The following NR5A2 variants were observed in gnomAD, a reference collection of about 807,000 sequenced individuals.
NR5A2 encodes the protein CYP7A promoter-binding factor.
NR5A2 carries 26 observed loss-of-function variants against 62.7 expected under a neutral mutation model. The observed-to-expected ratio is 0.41, with a 90% CI of 0.30 to 0.58. NR5A2 has a LOEUF of 0.58. Among genes scored for constraint, NR5A2 ranks in the 20% least tolerant of loss-of-function variants. The pLI, the probability that NR5A2 is intolerant of heterozygous loss-of-function variation, is 0.22. For missense variants in NR5A2, 541 were observed against 669.1 expected (o/e 0.81, Z 2.11); for synonymous variants, 246 against 241.7 (o/e 1.02, Z -0.16).
Position 200,061,555 on chromosome 1 carries a change from G to A in NR5A2, c.1110+12737G>A, listed in dbSNP as rs181927696. 5.1e-3 allele frequency among the ~76,000 whole-genome samples: 778 copies of A among 152,276 alleles called. 5 individuals carry two copies. Among genetic ancestry groups the A allele is most frequent in the African/African-American group, 0.018 (744 of 41,544 alleles). On this transcript the variant is annotated intron_variant, in intron 5 of 7. Coordinates refer to ENST00000367362, the MANE Select transcript of NR5A2 (RefSeq NM_205860.3). Reference sequence around the variant, plus strand: ...CGCCTCCCAAAGTGCTGGGATTACAGGCGTGAGCCACTGCGCCCGACCCGG... The same window carrying A: ...CGCCTCCCAAAGTGCTGGGATTACAAGCGTGAGCCACTGCGCCCGACCCGG...
intron 5 of NR5A2, among the ~76,000 whole-genome samples, chr1:200,073,250 A>G (rs1558121716): frequency 8.4e-6 from 1 of 118,848 alleles, no homozygotes; most frequent in African/African-American, 3.5e-5. Flanking sequence ...ATATATATAT[A>G]TATATATATA....
At chr1:200,094,325 C>T (rs1664966012) in intron 5 of NR5A2, among the ~76,000 whole-genome samples, 1 of 151,168 alleles carries the variant, frequency 6.6e-6, no homozygotes, top group African/African-American at 2.4e-5. Flanking sequence ...GCTGGGGTTA[C>T]AGGCGCGGGC....
chr1:200,169,645 T>C (rs953278366), intron 7 of NR5A2, among the ~76,000 whole-genome samples: 2 of 152,186 alleles, frequency 1.3e-5, no homozygotes, highest in Admixed American at 6.6e-5. Flanking sequence ...ATATAAAAAG[T>C]TGGTAATTAG....
intron 3 of NR5A2, chr1:200,044,351 T>C (rs1041836029): frequency 1.3e-5 from 2 of 152,222 alleles, no homozygotes; most frequent in African/African-American, 4.8e-5. Context: ...TGTGATTTCA[T>C]CTTGATTTAT....
At chr1:200,060,010 TC>T (rs1663123457) in intron 5 of NR5A2, among the ~76,000 whole-genome samples, 1 of 152,014 alleles carries the variant, frequency 6.6e-6, no homozygotes, top group Non-Finnish European at 1.5e-5. Context: ...AAAACTTAAC[TC>T]CCCTCTACAC....
rs1034587140 is a variant in NR5A2 at position 200,039,391 on chromosome 1, C to G, written c.65-267C>G. Among the ~76,000 whole-genome samples the G allele has an allele frequency of 6.6e-6, 1 of 152,014 alleles. No homozygotes were observed. Among genetic ancestry groups the G allele is most frequent in the African/African-American group, 2.4e-5 (1 of 41,428 alleles). ...TCCGCGCCCCGGGCAGCTGCGTCCT[C>G]GCCACCGCCGCCGCCTGCGCCCTTG... On this transcript the variant is annotated intron_variant, in intron 1 of 7. Coordinates refer to ENST00000367362, the MANE Select transcript of NR5A2 (RefSeq NM_205860.3). This position sits in a 1 kb window ranked among gnomAD's most constrained non-coding sequence, Gnocchi z 5.1.
chr1:200,043,838 T>C lies in NR5A2; in HGVS notation c.267T>C (p.Cys89=). The C allele has an allele frequency of 6.2e-7, 1 of 1,613,942 alleles. No homozygotes were observed. Among genetic ancestry groups the C allele is most frequent in the South Asian group, 1.1e-5 (1 of 91,048 alleles). ...DEDLEELCPV[C]GDKVSGYHYG... ...ATCTGGAAGAGCTTTGTCCCGTGTG[T>C]GGAGATAAAGTGTCTGGGTACCATT... Residue 89 remains cysteine (C), a synonymous_variant, in exon 3 of 8, where the codon TGT becomes TGC. Transcript: ENST00000367362.
At position 200,048,464 on chromosome 1, in the gene NR5A2, C is replaced by A. The variant is rs370987975; in HGVS notation, c.756C>A (p.His252Gln). 3 of 1,614,198 alleles carry A rather than the reference C, an allele frequency of 1.9e-6. No homozygotes were observed. In the Admixed American group the frequency reaches 5.0e-5, roughly 27 times the overall value. Residue 252 changes from histidine to glutamine, a missense_variant, in exon 5 of 8, where the codon CAC (histidine) becomes CAA (glutamine). His to Gln is a conservative substitution (Grantham distance 24, BLOSUM62 0). Coordinates refer to ENST00000367362, the MANE Select transcript of NR5A2 (RefSeq NM_205860.3). This position sits in a 1 kb window ranked among gnomAD's most constrained non-coding sequence, Gnocchi z 4.8. ...CCATTAGCATGACAATGCCCCCTCACGGCAGCCTGCAAGGTTACCAAACAT... is the reference window on the plus strand; with the variant it reads ...CCATTAGCATGACAATGCCCCCTCAAGGCAGCCTGCAAGGTTACCAAACAT... ...TSPISMTMPP[H>Q]GSLQGYQTYG...
chr1:200,084,098 C>T (rs1362396818), intron 5 of NR5A2, among the ~76,000 whole-genome samples: 1 of 151,614 alleles, frequency 6.6e-6, no homozygotes, highest in Non-Finnish European at 1.5e-5. Flanking sequence ...AGTCGTATGC[C>T]AGGTAACATT....
intron 5 of NR5A2, among the ~76,000 whole-genome samples, chr1:200,087,385 T>C (rs1435564713): frequency 6.6e-6 from 1 of 152,106 alleles, no homozygotes; most frequent in African/African-American, 2.4e-5. Flanking sequence ...ACTTGTACTC[T>C]CCATCCACTT....
At chr1:200,146,874 A>G (rs901999764) in intron 7 of NR5A2, among the ~76,000 whole-genome samples, 81 of 152,342 alleles carry the variant, frequency 5.3e-4, no homozygotes, top group African/African-American at 1.9e-3. Flanking sequence ...AAAAAATTAC[A>G]TAATATGACT....
rs184248780 is a variant in NR5A2 at position 200,052,693 on chromosome 1, G to A, written c.1110+3875G>A. ...GTCTTGCTTTGTCGCCCAGGTTGGA[G>A]TGCAGTGGTGCGATCTTGGCTCATT... is the stretch of plus-strand genomic sequence containing the variant. On this transcript the variant is annotated intron_variant, in intron 5 of 7. Transcript: ENST00000367362. Among the ~76,000 whole-genome samples, 404 of 151,846 alleles carry A rather than the reference G, an allele frequency of 2.7e-3. 4 individuals are homozygous for A. The highest frequency in any genetic ancestry group is 9.5e-3 in the African/African-American group (391 of 41,332).
rs1228512241 is a variant in NR5A2 at position 200,057,474 on chromosome 1, A to G, written c.1110+8656A>G. 3 of 236,692 alleles carry G rather than the reference A, an allele frequency of 1.3e-5. No individual in the cohort carries two copies. The Admixed American group carries it at 1.8e-4, about 14-fold the overall frequency. 14.7% of individuals were successfully genotyped at this position (236,692 alleles called of 1,614,324 possible). ...TAATTGATTCGTAAAAGTTTGCTAA[A>G]TCAATTTTTTTTCTTTTTTTTTGAG... On this transcript the variant is annotated intron_variant, in intron 5 of 7. Transcript: ENST00000367362.
At chr1:200,150,766 T>G (rs190686165) in intron 7 of NR5A2, among the ~76,000 whole-genome samples, 26 of 152,342 alleles carry the variant, frequency 1.7e-4, no homozygotes, top group Admixed American at 1.6e-3. Context: ...GCCTTCCTAA[T>G]GCCCCAGGCA....
At chr1:200,125,747 T>C (rs552824702) in intron 7 of NR5A2, among the ~76,000 whole-genome samples, 1 of 152,316 alleles carries the variant, frequency 6.6e-6, no homozygotes, top group African/African-American at 2.4e-5. Flanking sequence ...GAATAAACAG[T>C]ATTGTTTATT....
Position 200,039,605 on chromosome 1 carries a change from G to T in NR5A2, c.65-53G>T, listed in dbSNP as rs975286318. On this transcript the variant is annotated intron_variant, in intron 1 of 7. Transcript: ENST00000367362. The surrounding 1 kb of genome is among the most constrained non-coding windows in gnomAD (Gnocchi z 5.1). ...AGAGGGTTGGGTTAGCAGGCATCCC[G>T]GTCGCCCCTTCCTTCTTTTCGCCGG... is the stretch of plus-strand genomic sequence containing the variant. 3.9e-5 allele frequency: 63 copies of T among 1,605,562 alleles called. No individual in the cohort carries two copies. The highest frequency in any genetic ancestry group is 5.1e-5 in the Non-Finnish European group (60 of 1,176,544).
intron 7 of NR5A2, among the ~76,000 whole-genome samples, chr1:200,130,413 A>T (rs768691532): frequency 2.1e-4 from 32 of 152,144 alleles, no homozygotes; most frequent in Non-Finnish European, 4.0e-4. Flanking sequence ...ACTGTAAGTC[A>T]GAAGGTGACA....
intron 5 of NR5A2, among the ~76,000 whole-genome samples, chr1:200,051,407 A>G (rs1279570732): frequency 1.3e-5 from 2 of 152,242 alleles, no homozygotes; most frequent in African/African-American, 4.8e-5. Context: ...ACTTCTTTAT[A>G]TAGCATGAGG....
At chr1:200,041,472 C>T (rs1352709633) in intron 2 of NR5A2, among the ~76,000 whole-genome samples, 1 of 152,132 alleles carries the variant, frequency 6.6e-6, no homozygotes, top group Admixed American at 6.5e-5. Flanking sequence ...CCCCATTCTC[C>T]TGCTTGCTCT....
Sources: gnomAD v4.1 joint callset for allele counts (sites outside exome capture counted in the v4.1 genomes callset) on GRCh38, gnomAD v4.1.1 for gene constraint, Gnocchi (gnomAD v3.1) non-coding constraint, MANE v1.5 for transcripts, NCBI Gene and HGNC (gene_info 2026-07-23, HGNC 2026-07-21) for gene names.